The following KANK3 variants were observed in gnomAD, a reference collection of about 807,000 sequenced individuals.
KANK3 encodes the protein KN motif and ankyrin repeat domains 3.
In KANK3, 61 loss-of-function variants were observed where a neutral mutation model predicts 65.4. The observed-to-expected ratio is 0.93, with a 90% CI of 0.76 to 1.15. KANK3 has a LOEUF of 1.15. Among genes scored for constraint, KANK3 ranks in the 50% most tolerant of loss-of-function variants. The pLI is 0.00. For synonymous variants in KANK3, 586 were observed against 543.3 expected (o/e 1.08, Z -1.09); for missense variants, 1,187 against 1,178.8 (o/e 1.01, Z -0.10).
rs564742898 is a variant in KANK3, at chr19:8,328,539, G to C, written c.1937-3443C>G. ...CAGGCAGGTAGGGTCGGGTGAGAGA[G>C]GGGTATGGAGAAGAATCCACAACAG... On this transcript the variant is annotated intron_variant, in intron 7 of 10. Transcript: ENST00000330915. Among the ~76,000 whole-genome samples the C allele has an allele frequency of 3.9e-5, 6 of 152,110 alleles. No individual in the cohort carries two copies. In the South Asian group the frequency reaches 8.3e-4, roughly 21 times the overall value.
chr19:8,324,723 G>A lies in KANK3; in HGVS notation c.2190C>T (p.Ala730=), dbSNP rs760191859. 1 of 1,614,012 alleles carries A rather than the reference G, an allele frequency of 6.2e-7. No homozygotes were observed. The highest frequency in any genetic ancestry group is 1.1e-5 in the South Asian group (1 of 91,090). The part of the protein sequence containing the change: ...ADVNAQDADG[A]TALMCASEYG... ...ACTCACTGGCACACATCAGCGCTGT[G>A]GCCCCATCCGCATCCTGCGCATTCA... is the stretch of plus-strand genomic sequence containing the variant. Residue 730 remains alanine, a synonymous_variant, in exon 9 of 11, where the codon GCC becomes GCT. Transcript: ENST00000330915.
intron 1 of KANK3, among the ~76,000 whole-genome samples, chr19:8,339,435 C>T (rs1035867484): frequency 4.0e-5 from 6 of 151,514 alleles, no homozygotes; most frequent in East Asian, 1.9e-4. Context: ...TCTTGGCTCA[C>T]TGCAACCTCT....
intron 7 of KANK3, among the ~76,000 whole-genome samples, chr19:8,326,690 A>T (rs1326255488): frequency 6.6e-6 from 1 of 150,420 alleles, no homozygotes; most frequent in Non-Finnish European, 1.5e-5. Context: ...CCAGCTACTC[A>T]GGAGGCTGAG....
intron 7 of KANK3, among the ~76,000 whole-genome samples, chr19:8,327,739 C>T (rs1970454278): frequency 6.6e-6 from 1 of 152,100 alleles, no homozygotes; most frequent in East Asian, 1.9e-4. Flanking sequence ...GGCTGCATCA[C>T]GCCACTACAC....
chr19:8,333,870 C>T lies in KANK3; in HGVS notation c.1634+40G>A. The T allele has an allele frequency of 6.4e-7, 1 of 1,553,348 alleles. No individual in the cohort carries two copies. Among genetic ancestry groups the T allele is most frequent in the Non-Finnish European group, 8.7e-7 (1 of 1,150,146 alleles). On this transcript the variant is annotated intron_variant, in intron 5 of 10. Transcript: ENST00000330915. The surrounding 1 kb of genome is among the most constrained non-coding windows in gnomAD (Gnocchi z 5.0). Reference sequence around the variant, plus strand: ...GGGACAGCGCCGACCAGGAGGAGGGCAGCCGCCTCCTCTCCAAACAACTAG... The same window carrying T: ...GGGACAGCGCCGACCAGGAGGAGGGTAGCCGCCTCCTCTCCAAACAACTAG...
intron 7 of KANK3, among the ~76,000 whole-genome samples, chr19:8,329,523 A>AAAAAAAAAAAAAAAAAG (rs1427394985): frequency 1.3e-5 from 2 of 149,470 alleles, no homozygotes; most frequent in African/African-American, 5.0e-5. Context: ...AAAAAAGACT[A>AAAAAAAAAAAAAAAAAG]ACTATAGAAT....
chr19:8,324,778 A>G lies in KANK3; in HGVS notation c.2135T>C (p.Val712Ala), dbSNP rs1308853764. Residue 712 changes from valine to alanine, a missense_variant, in exon 9 of 11, where the codon GTG becomes GCG. This residue lies in a region of KANK3 where 1,078 missense variants were observed against 1,038.2 expected (regional missense o/e 1.04). Transcript: ENST00000330915. ...LAISHGRQDM[V>A]ATLLACGADV... Reference sequence around the variant, plus strand: ...AGCCCCACACGCCAGTAGGGTTGCCACCATGTCCTGTCGGCCATGGCTGAT... The same window carrying G: ...AGCCCCACACGCCAGTAGGGTTGCCGCCATGTCCTGTCGGCCATGGCTGAT... 1 of 1,613,944 alleles carries G rather than the reference A, an allele frequency of 6.2e-7. No homozygotes were observed.
chr19:8,333,035 C>G lies in KANK3; in HGVS notation c.1915G>C (p.Ala639Pro). The change falls in exon 7 of 11, where the codon GCA becomes CCA. Residue 639 changes from alanine to proline, a missense_variant. Coordinates refer to ENST00000330915, the MANE Select transcript of KANK3 (RefSeq NM_198471.3). This position sits in a 1 kb window ranked among gnomAD's most constrained non-coding sequence, Gnocchi z 5.0. ...YSVSHGNLAI[A>P]SLLLDTGACE... ...TGACCCGTATCCAGGAGCAGGCTTGCGATGGCCAGGTTCCCGTGGGACACA... is the reference window on the plus strand; with the variant it reads ...TGACCCGTATCCAGGAGCAGGCTTGGGATGGCCAGGTTCCCGTGGGACACA... The G allele has an allele frequency of 7.8e-7, 1 of 1,289,498 alleles. No individual in the cohort carries two copies. The allele number at this position is 1,289,498 out of a possible 1,614,324, so 79.9% of individuals were successfully genotyped here.
At chr19:8,340,068 G>A (rs1294496110) in intron 1 of KANK3, among the ~76,000 whole-genome samples, 1 of 151,304 alleles carries the variant, frequency 6.6e-6, no homozygotes, top group Non-Finnish European at 1.5e-5. Context: ...CTTCAGGGAG[G>A]GGAAAGTGCC....
At chr19:8,327,579 C>T (rs1465735858) in intron 7 of KANK3, among the ~76,000 whole-genome samples, 1 of 151,996 alleles carries the variant, frequency 6.6e-6, no homozygotes, top group Non-Finnish European at 1.5e-5. Flanking sequence ...TGCAGTGAGC[C>T]AATATCACAC....
Position 8,333,131 on chromosome 19 carries a change from G to A in KANK3, c.1819C>T (p.Leu607=). 1 of 1,613,102 alleles carries A rather than the reference G, an allele frequency of 6.2e-7. No individual in the cohort carries two copies. Among genetic ancestry groups the A allele is most frequent in the Non-Finnish European group, 8.5e-7 (1 of 1,179,934 alleles). ...VARMLEGVRR[L]GPELLAHVVN... Reference sequence around the variant, plus strand: ...ACGTGCGCCAGCAGTTCGGGTCCCAGGCGCCTCACCCCTTCCAGCATCCTG... The same window carrying A: ...ACGTGCGCCAGCAGTTCGGGTCCCAAGCGCCTCACCCCTTCCAGCATCCTG... The change falls in exon 7 of 11, where the codon CTG becomes TTG. Residue 607 remains leucine, a synonymous_variant. Transcript: ENST00000330915. This position sits in a 1 kb window ranked among gnomAD's most constrained non-coding sequence, Gnocchi z 5.0.
chr19:8,325,322 T>TTTTTTTTTA, intron 7 of KANK3, among the ~76,000 whole-genome samples: 1 of 121,872 alleles, frequency 8.2e-6, no homozygotes, highest in African/African-American at 3.4e-5. Context: ...TTTTTTTTTT[T>TTTTTTTTTA]GAGACATAGT....
chr19:8,328,895 C>G (rs988326480), intron 7 of KANK3, among the ~76,000 whole-genome samples: 5 of 151,972 alleles, frequency 3.3e-5, no homozygotes, highest in Admixed American at 1.3e-4. Context: ...GTGGGCCGAG[C>G]GCGGTGGCTC....
intron 7 of KANK3, among the ~76,000 whole-genome samples, chr19:8,325,318 T>C (rs2145413324): frequency 6.9e-6 from 1 of 144,212 alleles, no homozygotes; most frequent in Admixed American, 6.8e-5. Context: ...TTTTTTTTTT[T>C]TTTTGAGACA....
rs890850 is a variant in KANK3 at position 8,334,965 on chromosome 19, C to A, written c.862G>T (p.Asp288Tyr). ...GRSEGALQVL[D>Y]GEVGSLDGTP... ...CCATCGAGACTCCCGACCTCCCCGT[C>A]GAGGACCTGGAGCGCGCCCTCGCTG... The change falls in exon 3 of 11, where the codon GAC (aspartate) becomes TAC (tyrosine). Residue 288 changes from aspartate (D) to tyrosine (Y), a missense_variant. Physicochemically the swap from Asp to Tyr is radical, Grantham distance 160 (BLOSUM62 -3). Coordinates refer to ENST00000330915, the MANE Select transcript of KANK3 (RefSeq NM_198471.3). 0.2 allele frequency: 297,031 copies of A among 1,493,818 alleles called. 31,432 individuals carry two copies. Among genetic ancestry groups the A allele is most frequent in the Non-Finnish European group, 0.22 (249,046 of 1,131,616 alleles). 92.5% of individuals were successfully genotyped at this position (1,493,818 alleles called of 1,614,324 possible).
In KANK3 at chr19:8,334,540, C is replaced by A. The variant is rs1970592351; in HGVS notation, c.1287G>T (p.Ser429=). Residue 429 remains serine (S), a synonymous_variant, in exon 3 of 11, where the codon TCG becomes TCT. Transcript: ENST00000330915. ...AEAPSLTQES[S]PGSMDGDRAV... Reference sequence around the variant, plus strand: ...CCCTGTCTCCGTCCATGGATCCGGGCGAGCTCTCCTGAGTCAAGGAGGGCG... The same window carrying A: ...CCCTGTCTCCGTCCATGGATCCGGGAGAGCTCTCCTGAGTCAAGGAGGGCG... 1 of 1,602,458 alleles carries A rather than the reference C, an allele frequency of 6.2e-7. No homozygotes were observed. The highest frequency in any genetic ancestry group is 8.5e-7 in the Non-Finnish European group (1 of 1,179,440).
chr19:8,328,241 C>T (rs1230537309), intron 7 of KANK3, among the ~76,000 whole-genome samples: 1 of 152,062 alleles, frequency 6.6e-6, no homozygotes, highest in African/African-American at 2.4e-5. Context: ...GGTGAAACCC[C>T]ATGCCTACAA....
Position 8,335,637 on chromosome 19 carries a change from C to A in KANK3, c.190G>T (p.Ala64Ser). The change falls in exon 3 of 11, where the codon GCC becomes TCC. Residue 64 changes from alanine (A) to serine (S), a missense_variant. This residue lies in a region of KANK3 where 104 missense variants were observed against 122.1 expected (regional missense o/e 0.85). Transcript: ENST00000330915. ...ELERGPAARR[A>S]PGPPTSRRPR... Reference sequence around the variant, plus strand: ...CGGCGCGAGGTCGGGGGTCCCGGGGCGCGGCGGGCAGCGGGGCCACGCTCC... The same window carrying A: ...CGGCGCGAGGTCGGGGGTCCCGGGGAGCGGCGGGCAGCGGGGCCACGCTCC... 1 of 1,245,194 alleles carries A rather than the reference C, an allele frequency of 8.0e-7. No homozygotes were observed. The highest frequency in any genetic ancestry group is 1.6e-5 in the African/African-American group (1 of 64,346). 77.1% of individuals were successfully genotyped at this position (1,245,194 alleles called of 1,614,324 possible). A position where few individuals can be genotyped will look rare whatever the true frequency, so the allele number is the denominator to read the frequency against.
At chr19:8,336,764 G>A (rs1212486901) in intron 2 of KANK3, among the ~76,000 whole-genome samples, 1 of 149,732 alleles carries the variant, frequency 6.7e-6, no homozygotes, top group Non-Finnish European at 1.5e-5. Flanking sequence ...AAAGGTTGGC[G>A]AGGGGAAGCC....
Sources: gnomAD v4.1 joint callset for allele counts (sites outside exome capture counted in the v4.1 genomes callset) on GRCh38, gnomAD v4.1.1 for gene constraint, gnomAD v4.1.1 regional missense constraint, Gnocchi (gnomAD v3.1) non-coding constraint, MANE v1.5 for transcripts, NCBI Gene and HGNC (gene_info 2026-07-23, HGNC 2026-07-21) for gene names.